FBXO46: variants seen among roughly 807,000 people sequenced by gnomAD.
The protein encoded by FBXO46 is F-box protein 46.
A neutral mutation model predicts 30.7 loss-of-function variants in FBXO46; 13 were observed. The observed-to-expected ratio is 0.42, with a 90% CI of 0.28 to 0.67. FBXO46 has a LOEUF of 0.67. Ranked by LOEUF, FBXO46 falls within the 30% of genes least tolerant of loss-of-function variation. The probability of loss-of-function intolerance (pLI) is 0.21; values close to 1 mark genes in which losing one functional copy is unlikely to be tolerated. For missense variants in FBXO46, 754 were observed against 871.5 expected (o/e 0.87, Z 1.70); for synonymous variants, 467 against 385.8 (o/e 1.21, Z -2.47).
intron 1 of FBXO46, among the ~76,000 whole-genome samples, chr19:45,719,049 G>GACC (rs1339141317): frequency 6.6e-6 from 1 of 151,360 alleles, no homozygotes; most frequent in African/African-American, 2.4e-5. Context: ...AGGAGTCTGC[G>GACC]ACCAGCCTGG....
chr19:45,728,766 G>A (rs969862291), intron 1 of FBXO46, among the ~76,000 whole-genome samples: 1 of 152,164 alleles, frequency 6.6e-6, no homozygotes, highest in African/African-American at 2.4e-5. Context: ...AGCCCAGGAG[G>A]TTGAGGCTGC....
rs1201205818 is a variant in FBXO46, at chr19:45,713,719, G to C, written c.-78-146C>G. ...GCGGTGGCTCACGCCTGTAATCCCA[G>C]CACTTTGGGAGGCTGAGGTGGGCAG... On this transcript the variant is annotated intron_variant, in intron 1 of 1. Transcript: ENST00000317683. The surrounding 1 kb of genome is among the most constrained non-coding windows in gnomAD (Gnocchi z 4.7). The C allele has an allele frequency of 1.9e-5, 9 of 464,348 alleles. No individual in the cohort carries two copies. Among genetic ancestry groups the C allele is most frequent in the African/African-American group, 1.2e-4 (6 of 50,660 alleles). The allele number at this position is 464,348 out of a possible 1,614,324, so 28.8% of individuals were successfully genotyped here.
chr19:45,721,586 T>G (rs1168112202), intron 1 of FBXO46, among the ~76,000 whole-genome samples: 1 of 148,466 alleles, frequency 6.7e-6, no homozygotes, highest in Non-Finnish European at 1.5e-5. Flanking sequence ...AGGGTCTTGT[T>G]CTGTCACCCA....
chr19:45,732,610 T>TTTTTCTTTTTTTTTTTTTTTTTTTTTC (rs1568551429), upstream of FBXO46, among the ~76,000 whole-genome samples: 2 of 112,334 alleles, frequency 1.8e-5, no homozygotes, highest in Admixed American at 1.2e-4. Flanking sequence ...TTTTTTTTTT[T>TTTTTCTTTTTTTTTTTTTTTTTTTTTC]TGAGACAGAG....
In FBXO46 at chr19:45,712,534, C is replaced by A; in HGVS notation, c.962G>T (p.Ser321Ile). The A allele has an allele frequency of 6.2e-7, 1 of 1,600,260 alleles. No individual in the cohort carries two copies. Residue 321 changes from serine (S) to isoleucine (I), a missense_variant, in exon 2 of 2, where the codon AGC (serine) becomes ATC (isoleucine). Ser to Ile is a moderately radical substitution (Grantham distance 142). Coordinates refer to ENST00000317683, the MANE Select transcript of FBXO46 (RefSeq NM_001080469.2). This position sits in a 1 kb window ranked among gnomAD's most constrained non-coding sequence, Gnocchi z 8.8. ...CCTGGCCAGCAGGAACTCCACGTTG[C>A]TGGGGAGGGCATCCCGCGAGGGGCT... ...LISPSRDALP[S>I]NVEFLLARAD...
In FBXO46 at chr19:45,713,005, C is replaced by T. The variant is rs1968020936; in HGVS notation, c.491G>A (p.Gly164Asp). ...CACAGAGAGCAGGTCCACGTCCTCA[C>T]CGGCTGAGGCGGGGCCCTCCTCAGC... ...PAAEEGPASA[G>D]EDVDLLSVAE... The change falls in exon 2 of 2, where the codon GGT (glycine) becomes GAT (aspartate). Residue 164 changes from glycine (G) to aspartate (D), a missense_variant. Physicochemically the swap from Gly to Asp is moderately conservative, Grantham distance 94. Around this residue, in one of 5 missense-constraint regions of FBXO46, gnomAD observed 454 missense variants for 426.5 expected, o/e 1.06. Coordinates refer to ENST00000317683, the MANE Select transcript of FBXO46 (RefSeq NM_001080469.2). The surrounding 1 kb of genome is among the most constrained non-coding windows in gnomAD (Gnocchi z 4.7). 3 of 1,559,758 alleles carry T rather than the reference C, an allele frequency of 1.9e-6. No individual in the cohort carries two copies. Among genetic ancestry groups the T allele is most frequent in the Non-Finnish European group, 2.6e-6 (3 of 1,153,346 alleles).
At position 45,714,559 on chromosome 19, in the gene FBXO46, G is replaced by A. The variant is rs183748422; in HGVS notation, c.-78-986C>T. 1.1e-3 allele frequency: 169 copies of A among 152,274 alleles called. 1 individual carries two copies. Among genetic ancestry groups the A allele is most frequent in the Non-Finnish European group, 2.1e-3 (140 of 68,116 alleles). 9.4% of individuals were successfully genotyped at this position (152,274 alleles called of 1,614,324 possible). On this transcript the variant is annotated intron_variant, in intron 1 of 1. Transcript: ENST00000317683. The stretch of plus-strand genomic sequence containing the variant: ...GTTCCAGGCTGCAGGGAGCAATGAT[G>A]GCACCACTGCACTCCAACCCGGGTG...
At position 45,712,830 on chromosome 19, in the gene FBXO46, C is replaced by T; in HGVS notation, c.666G>A (p.Gly222=). ...GVGSERRSGG[G]DCSRVAEAVA... is the part of the protein sequence containing the mutation. ...CGGCCTCGGCTACACGGCTGCAGTC[C>T]CCACCACCGGACCGCCGTTCAGATC... The change falls in exon 2 of 2, where the codon GGG becomes GGA. Residue 222 remains glycine, a synonymous_variant. Transcript: ENST00000317683. The surrounding 1 kb of genome is among the most constrained non-coding windows in gnomAD (Gnocchi z 8.8). The T allele has an allele frequency of 1.2e-6, 2 of 1,612,974 alleles. No individual in the cohort carries two copies. The highest frequency in any genetic ancestry group is 8.5e-7 in the Non-Finnish European group (1 of 1,179,644).
At chr19:45,721,698 G>A (rs990413725) in intron 1 of FBXO46, among the ~76,000 whole-genome samples, 19 of 151,166 alleles carry the variant, frequency 1.3e-4, no homozygotes, top group African/African-American at 4.6e-4. Flanking sequence ...GACTACAGGC[G>A]CCCGCCACCA....
rs1463444005 is a variant in FBXO46, at chr19:45,711,306, G to GATGGGGGCCAGA, written c.*366_*377dup. Reference sequence around the variant, plus strand: ...GAGAAAGAATTGGGGTGAGGGAGAGGATGGGGGCCAGAATGGGGGGACCCT... The same window carrying GATGGGGGCCAGA: ...GAGAAAGAATTGGGGTGAGGGAGAGGATGGGGGCCAGAATGGGGGCCAGAATGGGGGGACCCT... On this transcript the variant is annotated 3_prime_UTR_variant, in exon 2 of 2. Coordinates refer to ENST00000317683, the MANE Select transcript of FBXO46 (RefSeq NM_001080469.2). The GATGGGGGCCAGA allele has an allele frequency of 2.2e-6, 1 of 448,836 alleles. No individual in the cohort carries two copies. Among genetic ancestry groups the GATGGGGGCCAGA allele is most frequent in the African/African-American group, 2.1e-5 (1 of 48,512 alleles). 27.8% of individuals were successfully genotyped at this position (448,836 alleles called of 1,614,324 possible).
intron 1 of FBXO46, among the ~76,000 whole-genome samples, chr19:45,730,380 G>C (rs1475188714): frequency 6.6e-6 from 1 of 151,756 alleles, no homozygotes; most frequent in Non-Finnish European, 1.5e-5. Context: ...TCCTACCACT[G>C]ATTTCTCCCT....
In FBXO46 at chr19:45,713,079, G is replaced by A; in HGVS notation, c.417C>T (p.Asp139=). 6.3e-7 allele frequency: 1 copy of A among 1,594,762 alleles called. No individual in the cohort carries two copies. Among genetic ancestry groups the A allele is most frequent in the Non-Finnish European group, 8.5e-7 (1 of 1,171,814 alleles). The change falls in exon 2 of 2, where the codon GAC becomes GAT. Residue 139 remains aspartate, a synonymous_variant. Transcript: ENST00000317683. This position sits in a 1 kb window ranked among gnomAD's most constrained non-coding sequence, Gnocchi z 4.7. ...SKAKRRRRCL[D]PTKAPPDPGG... ...CTGGGTCAGGAGGAGCCTTGGTGGG[G>A]TCAAGACAGCGCCTCCGCCGCTTGG...
upstream of FBXO46, among the ~76,000 whole-genome samples, chr19:45,731,958 A>C (rs1210149234): frequency 1.3e-5 from 2 of 151,942 alleles, no homozygotes; most frequent in African/African-American, 4.8e-5. Flanking sequence ...TCTACTAAAA[A>C]TACAAAAAAT....
chr19:45,718,207 G>A (rs980883232), intron 1 of FBXO46, among the ~76,000 whole-genome samples: 2 of 152,120 alleles, frequency 1.3e-5, no homozygotes, highest in Non-Finnish European at 2.9e-5. Context: ...AGAATACTCA[G>A]GACCCATCTG....
chr19:45,732,588 C>CTTTTTTTTTTTTTTTTTTTT (rs750349502), upstream of FBXO46, among the ~76,000 whole-genome samples: 2 of 86,942 alleles, frequency 2.3e-5, no homozygotes, highest in African/African-American at 4.9e-5. Context: ...CTTTTTTTTC[C>CTTTTTTTTTTTTTTTTTTTT]TTTTTTTTTT....
intron 1 of FBXO46, among the ~76,000 whole-genome samples, chr19:45,724,845 G>A (rs184017288): frequency 5.5e-4 from 83 of 152,066 alleles, no homozygotes; most frequent in African/African-American, 2.0e-3. Context: ...TAGAGATGGG[G>A]TTTCACCGTG....
rs370707906 is a variant in FBXO46 at position 45,712,026 on chromosome 19, C to T, written c.1470G>A (p.Thr490=). 5.6e-6 allele frequency: 9 copies of T among 1,612,318 alleles called. No homozygotes were observed. Among genetic ancestry groups the T allele is most frequent in the Middle Eastern group, 1.6e-4 (1 of 6,080 alleles). Residue 490 remains threonine (T), a synonymous_variant, in exon 2 of 2, where the codon ACG becomes ACA. Coordinates refer to ENST00000317683, the MANE Select transcript of FBXO46 (RefSeq NM_001080469.2). This position sits in a 1 kb window ranked among gnomAD's most constrained non-coding sequence, Gnocchi z 8.8. ...TGCACTTGAGGGCGGCCAGCGCGCGCGTGGGCAGGAAGCTGAAGATCTTGA... is the reference window on the plus strand; with the variant it reads ...TGCACTTGAGGGCGGCCAGCGCGCGTGTGGGCAGGAAGCTGAAGATCTTGA... ...VLVKIFSFLP[T]RALAALKCTC...
rs1413209181 is a variant in FBXO46, at chr19:45,711,948, GTC to G, written c.1546_1547del (p.Asp516LeufsTer12). 1 of 1,613,232 alleles carries G rather than the reference GTC, an allele frequency of 6.2e-7. No individual in the cohort carries two copies. Among genetic ancestry groups the G allele is most frequent in the Non-Finnish European group, 8.5e-7 (1 of 1,179,780 alleles). ...IIEAFGVRAT[D>X]SRWSRDPLYR... ...AGAGCGGGTCTCGGCTCCAGCGCGA[GTC>G]TGTGGCCCGCACGCCAAACGCCTCG... On this transcript the variant is annotated frameshift_variant, in exon 2 of 2. Transcript: ENST00000317683. LOFTEE classifies it high-confidence loss of function.
rs764953697 is a variant in FBXO46 at position 45,713,039 on chromosome 19, G to A, written c.457C>T (p.Pro153Ser). Reference protein sequence around the residue: ...APPDPGGREGPPAAEEGPASA... With the variant: ...APPDPGGREGSPAAEEGPASA... ...GCGGGGCCCTCCTCAGCAGCAGGGG[G>A]GCCCTCCCGGCCCCCTGGGTCAGGA... The change falls in exon 2 of 2, where the codon CCC (proline) becomes TCC (serine). Residue 153 changes from proline to serine, a missense_variant. By Grantham distance (74) the Pro-to-Ser change is moderately conservative. This residue lies in a region of FBXO46 where 454 missense variants were observed against 426.5 expected (regional missense o/e 1.06). Coordinates refer to ENST00000317683, the MANE Select transcript of FBXO46 (RefSeq NM_001080469.2). The surrounding 1 kb of genome is among the most constrained non-coding windows in gnomAD (Gnocchi z 4.7). 13 of 1,558,710 alleles carry A rather than the reference G, an allele frequency of 8.3e-6. No individual in the cohort carries two copies. Among genetic ancestry groups the A allele is most frequent in the Non-Finnish European group, 8.7e-6 (10 of 1,154,806 alleles).
Sources: allele counts gnomAD v4.1 joint callset (sites outside exome capture counted in the v4.1 genomes callset), GRCh38; gene constraint gnomAD v4.1.1; regional missense constraint gnomAD v4.1.1; non-coding constraint Gnocchi (gnomAD v3.1); transcripts MANE v1.5; gene names NCBI Gene and HGNC (gene_info 2026-07-23, HGNC 2026-07-21).